Variants in ZZEF1 observed in about 807,000 individuals in gnomAD.
ZZEF1 encodes the protein zinc finger ZZ-type and EF-hand domain-containing protein 1.
In ZZEF1, 157 loss-of-function variants were observed where a neutral mutation model predicts 342.8. The observed-to-expected ratio is 0.46, with a 90% CI of 0.40 to 0.52. The LOEUF (loss-of-function observed/expected upper bound fraction) is 0.52. Ranked by LOEUF, ZZEF1 falls within the 20% of genes least tolerant of loss-of-function variation. The pLI is 0.00. For synonymous variants in ZZEF1, 1,505 were observed against 1,429.1 expected (o/e 1.05, Z -1.20); for missense variants, 3,480 against 3,725.6 (o/e 0.93, Z 1.72).
At chr17:4,116,714 G>A (rs921861870) in intron 3 of ZZEF1, among the ~76,000 whole-genome samples, 2 of 152,212 alleles carry the variant, frequency 1.3e-5, no homozygotes, top group African/African-American at 2.4e-5. Flanking sequence ...TGACCAGAAG[G>A]TGGGGTAGGG....
chr17:4,074,156 C>T lies in ZZEF1; in HGVS notation c.3679G>A (p.Val1227Met). The T allele has an allele frequency of 6.2e-7, 1 of 1,613,820 alleles. No homozygotes were observed. The highest frequency in any genetic ancestry group is 1.7e-4 in the Middle Eastern group (1 of 6,052). Residue 1227 changes from valine to methionine, a missense_variant, in exon 24 of 55, where the codon GTG (valine) becomes ATG (methionine). Physicochemically the swap from Val to Met is conservative, Grantham distance 21. Coordinates refer to ENST00000381638, the MANE Select transcript of ZZEF1 (RefSeq NM_015113.4). Reference sequence around the variant, plus strand: ...CACAGGGATGTGCACTTACGGCGCACAGACTTGAGCGCCATGCACTGGGAA... The same window carrying T: ...CACAGGGATGTGCACTTACGGCGCATAGACTTGAGCGCCATGCACTGGGAA... ...LASQCMALKS[V>M]RQLGSNMVVP...
At chr17:4,015,808 A>G (rs1359575414) in intron 49 of ZZEF1, among the ~76,000 whole-genome samples, 2 of 152,238 alleles carry the variant, frequency 1.3e-5, no homozygotes, top group Admixed American at 6.5e-5. Context: ...GTCAATGAGA[A>G]TAACGGAGGC....
chr17:4,070,535 A>T, intron 26 of ZZEF1, 149 bp downstream of exon 26: 1 of 1,039,956 alleles, frequency 9.6e-7, no homozygotes, highest in Non-Finnish European at 1.3e-6. Context: ...TGAATCTTTT[A>T]ATAGGCAAAG....
Position 4,051,977 on chromosome 17 carries a change from G to C in ZZEF1, c.5594C>G (p.Ser1865Cys), listed in dbSNP as rs1463364382. 1 of 1,613,828 alleles carries C rather than the reference G, an allele frequency of 6.2e-7. No homozygotes were observed. The highest frequency in any genetic ancestry group is 8.5e-7 in the Non-Finnish European group (1 of 1,179,910). The stretch of plus-strand genomic sequence containing the variant: ...ACGGTCACTTGAGACATACCCGTAG[G>C]AGTATTTCTTCGCTGCATAGCATCC... ...CYGCYAAKKY[S>C]YGHLPTHSIT... The change falls in exon 35 of 55, where the codon TCC becomes TGC. Residue 1865 changes from serine (S) to cysteine (C), a missense_variant. Ser to Cys is a moderately radical substitution (Grantham distance 112, BLOSUM62 -1). Coordinates refer to ENST00000381638, the MANE Select transcript of ZZEF1 (RefSeq NM_015113.4).
intron 1 of ZZEF1, among the ~76,000 whole-genome samples, chr17:4,136,505 C>T (rs532151290): frequency 1.3e-5 from 2 of 152,194 alleles, no homozygotes; most frequent in South Asian, 2.1e-4. Flanking sequence ...GTAGGTTGAC[C>T]AAAGTCAGCT....
Position 4,095,851 on chromosome 17 carries a change from G to C in ZZEF1, c.1893C>G (p.Leu631=). 1 of 1,609,232 alleles carries C rather than the reference G, an allele frequency of 6.2e-7. No individual in the cohort carries two copies. The highest frequency in any genetic ancestry group is 8.5e-7 in the Non-Finnish European group (1 of 1,177,858). Residue 631 remains leucine (L), a synonymous_variant, in exon 11 of 55, where the codon CTC becomes CTG. Coordinates refer to ENST00000381638, the MANE Select transcript of ZZEF1 (RefSeq NM_015113.4). The stretch of plus-strand genomic sequence containing the variant: ...CTTACCTGCTTTTTACAAATTGCCT[G>C]AGCTCCTGAAGCTTCCATTTGTCAT... ...EKYDKWKLQE[L]RQFVKSRIGC...
rs1296697691 is a variant in ZZEF1, at chr17:4,016,263, G to A, written c.8145+60C>T. ...GAGCATGGAGGGGCTGAGCACGGAG[G>A]GGCTGACGAGGTCTCTGCGGCTCAG... On this transcript the variant is annotated intron_variant, in intron 49 of 54. Coordinates refer to ENST00000381638, the MANE Select transcript of ZZEF1 (RefSeq NM_015113.4). This position sits in a 1 kb window ranked among gnomAD's most constrained non-coding sequence, Gnocchi z 4.4. The A allele has an allele frequency of 6.4e-7, 1 of 1,560,678 alleles. No individual in the cohort carries two copies. Among genetic ancestry groups the A allele is most frequent in the East Asian group, 2.2e-5 (1 of 44,684 alleles).
chr17:4,010,208 A>AC (rs989357215), intron 52 of ZZEF1, among the ~76,000 whole-genome samples: 28 of 151,784 alleles, frequency 1.8e-4, no homozygotes, highest in Middle Eastern at 3.4e-3. Flanking sequence ...AAACAAACAA[A>AC]AAAAAAACCT....
chr17:4,069,426 A>G (rs1344495981), intron 26 of ZZEF1, among the ~76,000 whole-genome samples: 1 of 152,172 alleles, frequency 6.6e-6, no homozygotes, highest in Non-Finnish European at 1.5e-5. Flanking sequence ...TTTAAAGGAG[A>G]TATTAAGATT....
chr17:4,126,983 C>A (rs1320730050), intron 1 of ZZEF1, among the ~76,000 whole-genome samples: 6 of 150,220 alleles, frequency 4.0e-5, no homozygotes, highest in Non-Finnish European at 8.9e-5. Context: ...AAACACAAAA[C>A]AAAACAAAAA....
rs542569378 is a variant in ZZEF1 at position 4,018,275 on chromosome 17, T to A, written c.7506-304A>T. Among the ~76,000 whole-genome samples the A allele has an allele frequency of 9.2e-5, 14 of 151,398 alleles. No homozygotes were observed. The South Asian group carries it at 2.7e-3, about 29-fold the overall frequency. The stretch of plus-strand genomic sequence containing the variant: ...ATTAAAAAAACATTTTTAAAAAAAA[T>A]TTATTTGTTTTTTTTAGAGATGACG... On this transcript the variant is annotated intron_variant, in intron 46 of 54. Coordinates refer to ENST00000381638, the MANE Select transcript of ZZEF1 (RefSeq NM_015113.4).
In ZZEF1 at chr17:4,016,282, G is replaced by A. The variant is rs766905106; in HGVS notation, c.8145+41C>T. On this transcript the variant is annotated intron_variant, in intron 49 of 54. Transcript: ENST00000381638. The surrounding 1 kb of genome is among the most constrained non-coding windows in gnomAD (Gnocchi z 4.4). Reference sequence around the variant, plus strand: ...ACGGAGGGGCTGACGAGGTCTCTGCGGCTCAGTCGCTCTTATGGGGCCTGC... The same window carrying A: ...ACGGAGGGGCTGACGAGGTCTCTGCAGCTCAGTCGCTCTTATGGGGCCTGC... 7.6e-6 allele frequency: 12 copies of A among 1,586,198 alleles called. No individual in the cohort carries two copies. Among genetic ancestry groups the A allele is most frequent in the Middle Eastern group, 1.7e-4 (1 of 5,772 alleles).
chr17:4,058,274 G>T, intron 31 of ZZEF1, 119 bp from the exon 32 acceptor site: 1 of 1,096,240 alleles, frequency 9.1e-7, no homozygotes, highest in Non-Finnish European at 1.3e-6. Flanking sequence ...TCACATTGCT[G>T]GTTTGGGTTC....
chr17:4,055,521 T>G (rs574309474), intron 33 of ZZEF1, among the ~76,000 whole-genome samples: 1 of 152,322 alleles, frequency 6.6e-6, no homozygotes, highest in South Asian at 2.1e-4. Flanking sequence ...ACATAACGGC[T>G]GCTCCCATGC....
rs895095071 is a variant in ZZEF1, at chr17:4,088,628, T to G, written c.2241+50A>C. ...TTGGTGTTCATTTCTCTGAATACTG[T>G]CATTCACTTTTCCTAAAGGAATGCC... On this transcript the variant is annotated intron_variant, in intron 13 of 54. Transcript: ENST00000381638. The G allele has an allele frequency of 5.7e-6, 9 of 1,586,220 alleles. No individual in the cohort carries two copies. The African/African-American group carries it at 1.1e-4, about 19-fold the overall frequency.
chr17:4,029,898 CA>C (rs1171228477), intron 42 of ZZEF1, among the ~76,000 whole-genome samples: 2 of 120,346 alleles, frequency 1.7e-5, no homozygotes, highest in African/African-American at 6.6e-5. Context: ...AAAAAAAAGA[CA>C]GAAACCAGAA....
At chr17:4,050,274 T>C (rs1202361936) in intron 36 of ZZEF1, among the ~76,000 whole-genome samples, 48 of 152,172 alleles carry the variant, frequency 3.2e-4, no homozygotes, top group Admixed American at 3.1e-3. Flanking sequence ...TAATGTTGAC[T>C]AGAATGGGGA....
At position 4,082,034 on chromosome 17, in the gene ZZEF1, T is replaced by C. The variant is rs371844401; in HGVS notation, c.2714+403A>G. Among the ~76,000 whole-genome samples, 34 of 152,336 alleles carry C rather than the reference T, an allele frequency of 2.2e-4. No individual in the cohort carries two copies. The East Asian group carries it at 2.5e-3, about 11-fold the overall frequency. On this transcript the variant is annotated intron_variant, in intron 17 of 54. Coordinates refer to ENST00000381638, the MANE Select transcript of ZZEF1 (RefSeq NM_015113.4). ...CTGTAGGCCCATTTAGCTTCTCTGG[T>C]AGTTGAAACAGGCAAAAATCTCGAA...
At chr17:4,060,503 C>T (rs999976600) in intron 30 of ZZEF1, among the ~76,000 whole-genome samples, 2 of 151,986 alleles carry the variant, frequency 1.3e-5, no homozygotes, top group African/African-American at 4.8e-5. Flanking sequence ...GAGCCGGGAT[C>T]ATGCCACTGC....
Sources: allele counts gnomAD v4.1 joint callset (sites outside exome capture counted in the v4.1 genomes callset), GRCh38; gene constraint gnomAD v4.1.1; non-coding constraint Gnocchi (gnomAD v3.1); transcripts MANE v1.5; gene names NCBI Gene and HGNC (gene_info 2026-07-23, HGNC 2026-07-21).